Variants in NPY1R observed in about 807,000 individuals in gnomAD.
NPY1R encodes the protein neuropeptide Y receptor type 1.
In NPY1R, 10 loss-of-function variants were observed where a neutral mutation model predicts 24.1. The ratio of observed to expected loss-of-function variants is 0.42; its 90% CI spans 0.26 to 0.71. The LOEUF is 0.71. NPY1R is among the 30% of genes least tolerant of loss of function. NPY1R has a pLI of 0.28. For synonymous variants in NPY1R, 168 were observed against 165.9 expected (o/e 1.01, Z -0.10); for missense variants, 350 against 458.0 (o/e 0.76, Z 2.15).
Position 163,326,151 on chromosome 4 carries a change from G to C in NPY1R, c.404C>G (p.Ala135Gly). The part of the protein sequence containing the change: ...TVSIFSLVLI[A>G]VERHQLIINP... ...GATTATCAGCTGATGTCGTTCCACA[G>C]CAATGAGAACCAGAGAGAAAATGGA... The change falls in exon 2 of 3, where the codon GCT becomes GGT. Residue 135 changes from alanine to glycine, a missense_variant. By Grantham distance (60) the Ala-to-Gly change is moderately conservative. Coordinates refer to ENST00000296533, the MANE Select transcript of NPY1R (RefSeq NM_000909.6). The C allele has an allele frequency of 1.2e-6, 2 of 1,614,088 alleles. No homozygotes were observed. The highest frequency in any genetic ancestry group is 1.7e-6 in the Non-Finnish European group (2 of 1,179,980).
At chr4:163,338,594 A>G in intron 1 of NPY1R, among the ~76,000 whole-genome samples, 1 of 150,430 alleles carries the variant, frequency 6.6e-6, no homozygotes, top group East Asian at 1.9e-4. Flanking sequence ...CTGTCATGCA[A>G]CCTCCTGCAA....
At chr4:163,339,927 G>A (rs149498199) in intron 1 of NPY1R, among the ~76,000 whole-genome samples, 32 of 152,018 alleles carry the variant, frequency 2.1e-4, no homozygotes, top group African/African-American at 6.3e-4. Flanking sequence ...GCTGTATTAC[G>A]TGTGAGAATA....
chr4:163,344,507 A>T (rs1271480940), exon 1 of NPY1R: 2 of 152,136 alleles, frequency 1.3e-5, no homozygotes, highest in Non-Finnish European at 2.9e-5. Flanking sequence ...GTCTCTGGCG[A>T]GGCCGGGGGC....
chr4:163,325,723 C>T lies in NPY1R; in HGVS notation c.735G>A (p.Met245Ile), dbSNP rs773842696. 16 of 1,600,598 alleles carry T rather than the reference C, an allele frequency of 1.0e-5. No homozygotes were observed. In the South Asian group the frequency reaches 1.5e-4, roughly 15 times the overall value. Residue 245 changes from methionine (M) to isoleucine (I), a missense_variant, in exon 3 of 3, where the codon ATG becomes ATA. Met to Ile is a conservative substitution (Grantham distance 10). Coordinates refer to ENST00000296533, the MANE Select transcript of NPY1R (RefSeq NM_000909.6). Reference sequence around the variant, plus strand: ...TGTACTTATTGTCTCTCATCTTGTCCATCATGTTGTTTCTCCTTTTTAGGC... The same window carrying T: ...TGTACTTATTGTCTCTCATCTTGTCTATCATGTTGTTTCTCCTTTTTAGGC... ...YIRLKRRNNM[M>I]DKMRDNKYRS...
chr4:163,327,957 A>G (rs928863615), intron 1 of NPY1R, among the ~76,000 whole-genome samples: 5 of 152,168 alleles, frequency 3.3e-5, no homozygotes, highest in African/African-American at 1.2e-4. Context: ...TAAGACCAAT[A>G]AAGAAAATCA....
At chr4:163,335,913 A>G (rs1734830567), upstream of NPY1R, among the ~76,000 whole-genome samples, 1 of 152,226 alleles carries the variant, frequency 6.6e-6, no homozygotes, top group South Asian at 2.1e-4. Context: ...CCAATGAAAT[A>G]TAGTTGGTAA....
upstream of NPY1R, among the ~76,000 whole-genome samples, chr4:163,337,709 T>C (rs1734875494): frequency 6.6e-6 from 1 of 152,222 alleles, no homozygotes; most frequent in Non-Finnish European, 1.5e-5. Flanking sequence ...ATAAAATAAC[T>C]ATAATACCTG....
At chr4:163,339,832 C>G (rs1391418434) in intron 1 of NPY1R, among the ~76,000 whole-genome samples, 1 of 151,940 alleles carries the variant, frequency 6.6e-6, no homozygotes, top group African/African-American at 2.4e-5. Flanking sequence ...GAATATGGAC[C>G]CTACTTCCTT....
rs573608612 is a variant in NPY1R, at chr4:163,342,586, A to G, written c.-152+1719T>C. ...TCAGAAATAACACACAGAAGAATAA[A>G]ACAGGAACTGTGTTTACTTGAGTTC... On this transcript the variant is annotated intron_variant, in intron 1 of 1. Transcript: ENST00000511901. Among the ~76,000 whole-genome samples, 3 of 152,328 alleles carry G rather than the reference A, an allele frequency of 2.0e-5. No homozygotes were observed. In the East Asian group the frequency reaches 5.8e-4, roughly 29 times the overall value.
At chr4:163,337,515 G>A (rs904679500), upstream of NPY1R, among the ~76,000 whole-genome samples, 2 of 152,178 alleles carry the variant, frequency 1.3e-5, no homozygotes, top group African/African-American at 4.8e-5. Context: ...CAACCCAGCT[G>A]TTTCAACCCC....
At chr4:163,333,636 C>T (rs939826463), upstream of NPY1R, among the ~76,000 whole-genome samples, 9 of 152,158 alleles carry the variant, frequency 5.9e-5, no homozygotes, top group Non-Finnish European at 1.2e-4. Context: ...GGCAGTCTTT[C>T]TTCTAATTAA....
intron 1 of NPY1R, among the ~76,000 whole-genome samples, chr4:163,328,850 T>G (rs935308310): frequency 5.3e-5 from 8 of 152,222 alleles, no homozygotes; most frequent in African/African-American, 1.7e-4. Flanking sequence ...CTTAGTTGGC[T>G]CCTCTCATTT....
At chr4:163,328,121 C>T (rs558188490) in intron 1 of NPY1R, among the ~76,000 whole-genome samples, 2 of 150,548 alleles carry the variant, frequency 1.3e-5, no homozygotes, top group African/African-American at 2.4e-5. Flanking sequence ...CATGATTTGG[C>T]CTTAAAAACT....
At chr4:163,338,141 C>G (rs1482228518) in intron 1 of NPY1R, among the ~76,000 whole-genome samples, 1 of 141,168 alleles carries the variant, frequency 7.1e-6, no homozygotes, top group East Asian at 2.2e-4. Context: ...CTTTTTTTTC[C>G]CCCTAGGATC....
intron 1 of NPY1R, among the ~76,000 whole-genome samples, chr4:163,343,253 C>A (rs988707947): frequency 6.6e-6 from 1 of 150,630 alleles, no homozygotes; most frequent in African/African-American, 2.4e-5. Flanking sequence ...TCTTGAGCAG[C>A]GTTGATTTCA....
intron 1 of NPY1R, among the ~76,000 whole-genome samples, chr4:163,343,334 T>C (rs545548171): frequency 9.9e-4 from 150 of 152,120 alleles, no homozygotes; most frequent in African/African-American, 3.5e-3. Flanking sequence ...GTGGGGAAAC[T>C]TCCCTTCTAT....
chr4:163,339,078 A>G (rs1012928645), intron 1 of NPY1R, among the ~76,000 whole-genome samples: 1 of 152,142 alleles, frequency 6.6e-6, no homozygotes, highest in Non-Finnish European at 1.5e-5. Flanking sequence ...CCCAGTTTAA[A>G]TCTTTTAGCT....
At chr4:163,339,475 C>G (rs1734924626) in intron 1 of NPY1R, among the ~76,000 whole-genome samples, 1 of 151,666 alleles carries the variant, frequency 6.6e-6, no homozygotes, top group Non-Finnish European at 1.5e-5. Context: ...CAACTATACT[C>G]TGATTTCTTA....
At chr4:163,329,740 A>G (rs767376197) in intron 1 of NPY1R, among the ~76,000 whole-genome samples, 1 of 152,168 alleles carries the variant, frequency 6.6e-6, no homozygotes, top group Admixed American at 6.5e-5. Flanking sequence ...GAAGCTATGC[A>G]AGTATCTCAG....
Sources: allele counts gnomAD v4.1 joint callset (sites outside exome capture counted in the v4.1 genomes callset), GRCh38; gene constraint gnomAD v4.1.1; transcripts MANE v1.5; gene names NCBI Gene and HGNC (gene_info 2026-07-23, HGNC 2026-07-21).